ARHGEF28: variants seen among roughly 807,000 people sequenced by gnomAD.
The protein encoded by ARHGEF28 is Rho guanine nucleotide exchange factor 28.
A neutral mutation model predicts 206.6 loss-of-function variants in ARHGEF28; 152 were observed. That is an observed-to-expected ratio of 0.74 (90% CI 0.64 to 0.84). ARHGEF28 has a LOEUF of 0.84. ARHGEF28 is among the 40% of genes least tolerant of loss of function. The pLI is 0.00. For missense variants in ARHGEF28, 2,028 were observed against 2,073.2 expected (o/e 0.98, Z 0.42); for synonymous variants, 763 against 776.4 (o/e 0.98, Z 0.29).
At chr5:73,838,437 A>G (rs1395195054) in intron 10 of ARHGEF28, among the ~76,000 whole-genome samples, 1 of 152,238 alleles carries the variant, frequency 6.6e-6, no homozygotes, top group South Asian at 2.1e-4. Context: ...AATGTTTCCC[A>G]TTAATTTTCA....
intron 9 of ARHGEF28, among the ~76,000 whole-genome samples, chr5:73,807,750 T>C (rs1755598145): frequency 6.6e-6 from 1 of 152,050 alleles, no homozygotes; most frequent in South Asian, 2.1e-4. Context: ...CCTTCCAAAG[T>C]TCTGGGATTA....
intron 17 of ARHGEF28, 46 bp from the exon 18 acceptor site, chr5:73,865,919 A>G (rs1759675025): frequency 7.5e-7 from 1 of 1,341,462 alleles, no homozygotes; most frequent in South Asian, 1.2e-5. Context: ...TTATAGTCTA[A>G]TGATACTTTG....
intron 1 of ARHGEF28, among the ~76,000 whole-genome samples, chr5:73,649,994 A>G (rs1425099621): frequency 6.6e-6 from 1 of 152,200 alleles, no homozygotes; most frequent in East Asian, 1.9e-4. Flanking sequence ...CCTGGTTTCC[A>G]TAGCTCTGTG....
intron 2 of ARHGEF28, among the ~76,000 whole-genome samples, chr5:73,746,986 G>C (rs892624892): frequency 1.3e-5 from 2 of 152,106 alleles, no homozygotes; most frequent in African/African-American, 2.4e-5. Context: ...TTTGAAAAAT[G>C]GGTTTTGACT....
chr5:73,909,347 C>T (rs1304462673), intron 33 of ARHGEF28, 65 bp from the exon 34 acceptor site: 1 of 1,515,168 alleles, frequency 6.6e-7, no homozygotes, highest in East Asian at 2.3e-5. Flanking sequence ...TAGTTCCAAC[C>T]GAAAGGGTAA....
At chr5:73,934,893 A>G (rs1296935969) in intron 35 of ARHGEF28, among the ~76,000 whole-genome samples, 2 of 152,232 alleles carry the variant, frequency 1.3e-5, no homozygotes, top group South Asian at 2.1e-4. Context: ...TTTGAAATGC[A>G]TCTCAAGGAA....
At chr5:73,764,266 T>C (rs6876170) in intron 4 of ARHGEF28, among the ~76,000 whole-genome samples, 3,706 of 152,338 alleles carry the variant, frequency 0.024, 149 homozygotes, top group African/African-American at 0.085. Context: ...CCCATCTTTG[T>C]ACCATACAGT....
chr5:73,869,911 A>G (rs970040927), intron 20 of ARHGEF28, among the ~76,000 whole-genome samples, 158 bp from the exon 21 acceptor site: 2 of 152,050 alleles, frequency 1.3e-5, no homozygotes, highest in African/African-American at 4.8e-5. Flanking sequence ...GTCTCAAAAA[A>G]AAACAGATGT....
chr5:73,794,887 A>G (rs1754713616), intron 8 of ARHGEF28, among the ~76,000 whole-genome samples: 1 of 152,222 alleles, frequency 6.6e-6, no homozygotes, highest in Admixed American at 6.5e-5. Flanking sequence ...GATTACAGGC[A>G]TGAGCCACCG....
chr5:73,934,318 A>G (rs1764298238), intron 35 of ARHGEF28, among the ~76,000 whole-genome samples: 1 of 152,144 alleles, frequency 6.6e-6, no homozygotes, highest in East Asian at 1.9e-4. Context: ...ATATACATAG[A>G]TGGTGTTGTA....
At chr5:73,653,555 G>A (rs967894596) in intron 1 of ARHGEF28, among the ~76,000 whole-genome samples, 14 of 152,150 alleles carry the variant, frequency 9.2e-5, no homozygotes, top group Non-Finnish European at 1.3e-4. Context: ...TATGTCTCTC[G>A]TCTCAGCTTC....
Position 73,941,304 on chromosome 5 carries a change from T to A in ARHGEF28, c.*291T>A, listed in dbSNP as rs1337351781. The A allele has an allele frequency of 5.9e-6, 1 of 170,018 alleles. No homozygotes were observed. The highest frequency in any genetic ancestry group is 1.3e-5 in the Non-Finnish European group (1 of 79,542). 10.5% of individuals were successfully genotyped at this position (170,018 alleles called of 1,614,324 possible). On this transcript the variant is annotated 3_prime_UTR_variant, in exon 36 of 36. Coordinates refer to ENST00000513042, the MANE Select transcript of ARHGEF28 (RefSeq NM_001177693.2). ...GTTTTGACGCTAGAGTAAAATTCCA[T>A]GTCACATTTTCTACCCAATCATCTG...
intron 9 of ARHGEF28, among the ~76,000 whole-genome samples, chr5:73,810,484 G>A (rs909219809): frequency 6.6e-6 from 1 of 151,912 alleles, no homozygotes. Context: ...TGTCTATATT[G>A]CCCTGAAGTT....
chr5:73,916,015 A>G (rs1056057996), intron 35 of ARHGEF28, among the ~76,000 whole-genome samples: 4 of 152,210 alleles, frequency 2.6e-5, no homozygotes, highest in African/African-American at 7.2e-5. Context: ...TGCCAAGGAA[A>G]CTATTTTCAA....
Position 73,911,372 on chromosome 5 carries a change from T to C in ARHGEF28, c.4745T>C (p.Leu1582Pro). ...ATGTCATTTAACACTTTCAACAAAC[T>C]GAATCCATCAGTTATCCATCAGGAT... ...VQMSFNTFNK[L>P]NPSVIHQDAT... The change falls in exon 35 of 36, where the codon CTG (leucine) becomes CCG (proline). Residue 1582 changes from leucine (L) to proline (P), a missense_variant. Transcript: ENST00000513042. 1.9e-6 allele frequency: 3 copies of C among 1,613,956 alleles called. No individual in the cohort carries two copies. The highest frequency in any genetic ancestry group is 2.5e-6 in the Non-Finnish European group (3 of 1,179,848).
chr5:73,814,011 T>C (rs1432759065), intron 9 of ARHGEF28, among the ~76,000 whole-genome samples: 1 of 152,174 alleles, frequency 6.6e-6, no homozygotes, highest in Non-Finnish European at 1.5e-5. Flanking sequence ...AACAGTCCTG[T>C]TGATTTAAAC....
chr5:73,684,813 C>T, intron 1 of ARHGEF28, 28 bp from the exon 2 acceptor site: 1 of 1,602,308 alleles, frequency 6.2e-7, no homozygotes, highest in Non-Finnish European at 8.5e-7. Context: ...CCTGCAATAA[C>T]TTCTCTTGTT....
intron 1 of ARHGEF28, among the ~76,000 whole-genome samples, chr5:73,644,622 GAACAT>G (rs1744321230): frequency 6.6e-6 from 1 of 152,154 alleles, no homozygotes; most frequent in South Asian, 2.1e-4. Flanking sequence ...GGAGCTCCTT[GAACAT>G]ACACTGCTGC....
intron 6 of ARHGEF28, 56 bp downstream of exon 6, chr5:73,776,752 T>C: frequency 6.8e-7 from 1 of 1,473,984 alleles, no homozygotes; most frequent in Non-Finnish European, 9.2e-7. Flanking sequence ...AATGCAGGCA[T>C]CAATTTCTTA....
Sources: allele counts gnomAD v4.1 joint callset (sites outside exome capture counted in the v4.1 genomes callset), GRCh38; gene constraint gnomAD v4.1.1; transcripts MANE v1.5; gene names NCBI Gene and HGNC (gene_info 2026-07-23, HGNC 2026-07-21).